Variants in FRMD4B observed in about 807,000 individuals in gnomAD.
FRMD4B encodes the protein FERM domain-containing protein 4B.
In FRMD4B, 74 loss-of-function variants were observed where a neutral mutation model predicts 141.5. The ratio of observed to expected loss-of-function variants is 0.52; its 90% CI spans 0.43 to 0.63. FRMD4B has a LOEUF of 0.63. FRMD4B is among the 30% of genes least tolerant of loss of function. FRMD4B has a pLI of 0.00. For missense variants in FRMD4B, 1,366 were observed against 1,253.4 expected, an observed-to-expected ratio of 1.09 and a Z score of -1.36; for synonymous variants, 506 against 467.9, an observed-to-expected ratio of 1.08 and a Z score of -1.05.
intron 5 of FRMD4B, among the ~76,000 whole-genome samples, chr3:69,274,408 G>C (rs2093608620): frequency 6.6e-6 from 1 of 152,296 alleles, no homozygotes; most frequent in South Asian, 2.1e-4. Context: ...CTCCGTAGCT[G>C]GCAGGGGGCT....
At chr3:69,188,222 T>A (rs984877678) in intron 18 of FRMD4B, among the ~76,000 whole-genome samples, 5 of 152,172 alleles carry the variant, frequency 3.3e-5, no homozygotes, top group African/African-American at 1.2e-4. Flanking sequence ...TTTAAAAAGC[T>A]ATATTAAAGA....
At position 69,210,829 on chromosome 3, in the gene FRMD4B, C is replaced by G. The variant is rs552583530; in HGVS notation, c.876+5434G>C. ...AGGAGTTCGAGACCAGCCTGACCAA[C>G]ATGGTGAAACTCCATCTCTGCTAAA... On this transcript the variant is annotated intron_variant, in intron 11 of 22. Coordinates refer to ENST00000398540, the MANE Select transcript of FRMD4B (RefSeq NM_015123.3). 2.0e-5 allele frequency among the ~76,000 whole-genome samples: 3 copies of G among 152,048 alleles called. No homozygotes were observed. In the East Asian group the frequency reaches 5.8e-4, roughly 30 times the overall value.
chr3:69,523,490 A>G (rs1700885235), intron 1 of FRMD4B, among the ~76,000 whole-genome samples: 1 of 152,158 alleles, frequency 6.6e-6, no homozygotes, highest in Admixed American at 6.5e-5. Context: ...TCATGAGCCC[A>G]TGCCGTATGG....
intron 1 of FRMD4B, among the ~76,000 whole-genome samples, chr3:69,337,065 G>T (rs887224105): frequency 6.6e-6 from 1 of 152,264 alleles, no homozygotes; most frequent in Admixed American, 6.5e-5. Context: ...ATACTACAAG[G>T]CTACAGTAAC....
chr3:69,277,419 T>C (rs2093622734), intron 5 of FRMD4B, among the ~76,000 whole-genome samples: 4 of 151,870 alleles, frequency 2.6e-5, no homozygotes, highest in Admixed American at 2.6e-4. Flanking sequence ...AGATCTAATA[T>C]AGAGCAACAC....
chr3:69,378,990 G>C lies in FRMD4B; in HGVS notation c.162+6838C>G, dbSNP rs1472089297. Among the ~76,000 whole-genome samples, 5 of 152,016 alleles carry C rather than the reference G, an allele frequency of 3.3e-5. No individual in the cohort carries two copies. In the East Asian group the frequency reaches 9.6e-4, roughly 29 times the overall value. The stretch of plus-strand genomic sequence containing the variant: ...CTGTCTGGTTTAGACTCCCTCCACT[G>C]ATCATCTAAAAAGGCAAAGCCCTTT... On this transcript the variant is annotated intron_variant, in intron 1 of 22. Coordinates refer to ENST00000398540, the MANE Select transcript of FRMD4B (RefSeq NM_015123.3).
intron 1 of FRMD4B, among the ~76,000 whole-genome samples, chr3:69,464,605 G>A (rs1467301399): frequency 1.3e-5 from 2 of 152,106 alleles, no homozygotes; most frequent in Non-Finnish European, 2.9e-5. Context: ...GGTCCTTCTA[G>A]GACAGGAGGA....
chr3:69,420,893 T>A (rs1704964677), intron 2 of FRMD4B, among the ~76,000 whole-genome samples: 1 of 152,172 alleles, frequency 6.6e-6, no homozygotes, highest in South Asian at 2.1e-4. Flanking sequence ...ACCAACAATA[T>A]GTTACCAGAT....
intron 2 of FRMD4B, among the ~76,000 whole-genome samples, chr3:69,407,372 G>C (rs1321325003): frequency 6.6e-6 from 1 of 152,128 alleles, no homozygotes; most frequent in Non-Finnish European, 1.5e-5. Context: ...CTTAGTTCCT[G>C]GATATCTCTC....
intron 11 of FRMD4B, among the ~76,000 whole-genome samples, chr3:69,211,560 T>C (rs939713419): frequency 1.3e-5 from 2 of 152,216 alleles, no homozygotes; most frequent in African/African-American, 2.4e-5. Context: ...TGGGAGATCT[T>C]GGAACAACTC....
At chr3:69,221,402 G>A (rs963578136) in intron 9 of FRMD4B, among the ~76,000 whole-genome samples, 2 of 152,022 alleles carry the variant, frequency 1.3e-5, no homozygotes, top group African/African-American at 4.8e-5. Context: ...TCACAAACTG[G>A]GGGACAAAAC....
At chr3:69,534,730 G>A (rs1701058165) in intron 1 of FRMD4B, among the ~76,000 whole-genome samples, 1 of 152,168 alleles carries the variant, frequency 6.6e-6, no homozygotes, top group African/African-American at 2.4e-5. Flanking sequence ...ATAATTATGA[G>A]ATCAAAGGCT....
chr3:69,328,376 A>G (rs1450626534), intron 1 of FRMD4B, among the ~76,000 whole-genome samples: 3 of 152,198 alleles, frequency 2.0e-5, no homozygotes, highest in Non-Finnish European at 4.4e-5. Context: ...GAGAGTATTT[A>G]CACCACAGAA....
rs745853373 is a variant in FRMD4B at position 69,181,303 on chromosome 3, T to C, written c.2447A>G (p.Asp816Gly). 12 of 1,613,896 alleles carry C rather than the reference T, an allele frequency of 7.4e-6. No individual in the cohort carries two copies. The highest frequency in any genetic ancestry group is 1.0e-5 in the Non-Finnish European group (12 of 1,179,842). Residue 816 changes from aspartate to glycine, a missense_variant, in exon 21 of 23, where the codon GAC becomes GGC. Transcript: ENST00000398540. ...GACATAACCACCACTGTAATAAAAG[T>C]CACACTCTGCATAGGGTGTGTACCC... ...IAGYTPYAEC[D>G]FYYSGGYVYE...
chr3:69,279,842 G>T (rs929204080), intron 5 of FRMD4B, among the ~76,000 whole-genome samples: 2 of 150,568 alleles, frequency 1.3e-5, no homozygotes, highest in South Asian at 4.2e-4. Flanking sequence ...GGGAGCTGAG[G>T]CTGTCTGTGG....
At chr3:69,413,467 G>T (rs555579219) in intron 2 of FRMD4B, among the ~76,000 whole-genome samples, 1 of 152,194 alleles carries the variant, frequency 6.6e-6, no homozygotes, top group South Asian at 2.1e-4. Flanking sequence ...ATGCAATTAG[G>T]CACACTAAAT....
intron 22 of FRMD4B, among the ~76,000 whole-genome samples, chr3:69,174,010 A>G (rs1480322934): frequency 6.6e-6 from 1 of 152,042 alleles, no homozygotes; most frequent in African/African-American, 2.4e-5. Flanking sequence ...GGTGGTATGC[A>G]CCTGTAATCT....
Position 69,415,018 on chromosome 3 carries a change from G to A in FRMD4B, c.-1+17616C>T, listed in dbSNP as rs190928155. ...GTAGCTGGGATTACAGGTGTGCACC[G>A]CCACACCTGGCTAATGTTTGTATTT... On this transcript the variant is annotated intron_variant, in intron 2 of 5. Transcript: ENST00000459638. 7.1e-4 allele frequency among the ~76,000 whole-genome samples: 108 copies of A among 151,824 alleles called. 1 individual carries two copies. Among genetic ancestry groups the A allele is most frequent in the African/African-American group, 2.1e-3 (89 of 41,422 alleles).
chr3:69,379,579 C>T (rs572230422), intron 1 of FRMD4B, among the ~76,000 whole-genome samples: 50 of 152,302 alleles, frequency 3.3e-4, no homozygotes, highest in Non-Finnish European at 6.0e-4. Flanking sequence ...CACCCAGCCA[C>T]GCCTAGGTTT....
Sources: gnomAD v4.1 joint callset for allele counts (sites outside exome capture counted in the v4.1 genomes callset) on GRCh38, gnomAD v4.1.1 for gene constraint, MANE v1.5 for transcripts, NCBI Gene and HGNC (gene_info 2026-07-23, HGNC 2026-07-21) for gene names.